The following HIKESHI variants were observed in gnomAD, a reference collection of about 807,000 sequenced individuals.
HIKESHI encodes heat shock protein nuclear import factor hikeshi, also known as protein Hikeshi.
A neutral mutation model predicts 25.7 loss-of-function variants in HIKESHI; 13 were observed. The observed-to-expected ratio is 0.51, with a 90% CI of 0.33 to 0.80. HIKESHI has a LOEUF of 0.80. Ranked by LOEUF, HIKESHI falls within the 30% of genes least tolerant of loss-of-function variation. The probability of loss-of-function intolerance (pLI) is 0.02; values close to 1 mark genes in which losing one functional copy is unlikely to be tolerated. For synonymous variants in HIKESHI, 76 were observed against 78.7 expected, an observed-to-expected ratio of 0.97 and a Z score of 0.18; for missense variants, 174 against 229.5, an observed-to-expected ratio of 0.76 and a Z score of 1.56.
intron 2 of HIKESHI, among the ~76,000 whole-genome samples, chr11:86,314,726 G>A (rs1457160621): frequency 6.6e-6 from 1 of 152,198 alleles, no homozygotes; most frequent in East Asian, 1.9e-4. Context: ...TTAAGGAGCA[G>A]ATTAAGTCCC....
intron 2 of HIKESHI, among the ~76,000 whole-genome samples, chr11:86,325,197 A>C (rs1947243667): frequency 6.6e-6 from 1 of 152,070 alleles, no homozygotes. Flanking sequence ...GGAAAAAAAA[A>C]AGAGAAAAAT....
At position 86,302,319 on chromosome 11, in the gene HIKESHI, A is replaced by G. The variant is rs291241; in HGVS notation, c.-130A>G. The G allele has an allele frequency of 0.14, 156,069 of 1,104,710 alleles. 12,080 individuals are homozygous for G. The highest frequency in any genetic ancestry group is 0.24 in the Admixed American group (11,737 of 49,542). The allele number at this position is 1,104,710 out of a possible 1,614,324, so 68.4% of individuals were successfully genotyped here. On this transcript the variant is annotated 5_prime_UTR_variant, in exon 1 of 5. Transcript: ENST00000278483. ...AGGCATTCTTGCCGCTGGCCCAGTC[A>G]CTATGTAGTGGAGGGGCAGACACCC...
chr11:86,340,170 T>C (rs1203655858), intron 3 of HIKESHI, among the ~76,000 whole-genome samples: 1 of 152,222 alleles, frequency 6.6e-6, no homozygotes, highest in East Asian at 1.9e-4. Context: ...TTTGGGTTGG[T>C]TCCAAGTTTT....
intron 2 of HIKESHI, among the ~76,000 whole-genome samples, chr11:86,311,941 T>C (rs1272294871): frequency 6.6e-6 from 1 of 152,078 alleles, no homozygotes; most frequent in Non-Finnish European, 1.5e-5. Context: ...GTTATAATTT[T>C]TTTTCTTTTA....
intron 1 of HIKESHI, among the ~76,000 whole-genome samples, chr11:86,304,708 G>A (rs1431881924): frequency 2.0e-5 from 3 of 152,110 alleles, no homozygotes; most frequent in Admixed American, 6.5e-5. Flanking sequence ...TAGATACTAC[G>A]TTTCGCCATG....
chr11:86,303,072 C>T (rs893030047), intron 1 of HIKESHI, among the ~76,000 whole-genome samples: 2 of 152,048 alleles, frequency 1.3e-5, no homozygotes, highest in Non-Finnish European at 2.9e-5. Flanking sequence ...GAGAAGGATG[C>T]GAGTAGTGTG....
intron 2 of HIKESHI, among the ~76,000 whole-genome samples, chr11:86,332,097 A>G (rs1437767887): frequency 6.7e-6 from 1 of 150,328 alleles, no homozygotes; most frequent in African/African-American, 2.5e-5. Flanking sequence ...AGTAGCTGGG[A>G]CTACAGGCGC....
intron 1 of HIKESHI, among the ~76,000 whole-genome samples, chr11:86,305,467 A>G (rs167087): frequency 0.62 from 94,196 of 150,726 alleles, 29,393 homozygotes; most frequent in East Asian, 0.79. Flanking sequence ...GCTCACCGCA[A>G]CCTCTACCTC....
intron 1 of HIKESHI, chr11:86,303,540 A>T (rs1411718441): frequency 4.2e-6 from 1 of 238,470 alleles, no homozygotes; most frequent in Non-Finnish European, 6.8e-6. Context: ...AGTGAGTGTT[A>T]TTAATGAATG....
intron 2 of HIKESHI, among the ~76,000 whole-genome samples, chr11:86,333,549 CA>C (rs1228109896): frequency 1.2e-5 from 1 of 80,992 alleles, no homozygotes; most frequent in Non-Finnish European, 2.3e-5. Flanking sequence ...ACAACAACAA[CA>C]AACAAACAAA....
intron 2 of HIKESHI, among the ~76,000 whole-genome samples, chr11:86,334,656 G>C (rs1947503279): frequency 6.6e-6 from 1 of 152,164 alleles, no homozygotes; most frequent in African/African-American, 2.4e-5. Context: ...AAACGGTAGA[G>C]TAAGGAGCTC....
chr11:86,345,728 C>T lies in HIKESHI; in HGVS notation c.*90C>T, dbSNP rs761045023. The T allele has an allele frequency of 3.9e-5, 26 of 664,736 alleles. No homozygotes were observed. Among genetic ancestry groups the T allele is most frequent in the Admixed American group, 6.2e-5 (2 of 32,180 alleles). The allele number at this position is 664,736 out of a possible 1,614,324, so 41.2% of individuals were successfully genotyped here. A position where few individuals can be genotyped will look rare whatever the true frequency, so the allele number is the denominator to read the frequency against. On this transcript the variant is annotated 3_prime_UTR_variant, in exon 5 of 5. Transcript: ENST00000278483. ...CTAAAAGTATGAGGTCAAAGGATCA[C>T]GAAACCTAAGTTTAAAAACTGCTTA...
intron 2 of HIKESHI, among the ~76,000 whole-genome samples, chr11:86,320,187 C>G (rs1221026802): frequency 6.6e-6 from 1 of 152,174 alleles, no homozygotes; most frequent in African/African-American, 2.4e-5. Flanking sequence ...ATGATGTATT[C>G]TAACTATTGA....
intron 2 of HIKESHI, among the ~76,000 whole-genome samples, chr11:86,311,828 G>A (rs291203): frequency 0.72 from 109,805 of 152,078 alleles, 40,197 homozygotes; most frequent in African/African-American, 0.84. Flanking sequence ...CCCAGTAGTC[G>A]TTCAGGAGCA....
At chr11:86,344,487 T>C in intron 3 of HIKESHI, 116 bp from the exon 4 acceptor site, 1 of 678,256 alleles carries the variant, frequency 1.5e-6, no homozygotes, top group Non-Finnish European at 2.4e-6. Flanking sequence ...CATTAGACTC[T>C]CTTAGAACTG....
chr11:86,314,258 G>T (rs2138322362), intron 2 of HIKESHI, among the ~76,000 whole-genome samples: 1 of 152,238 alleles, frequency 6.6e-6, no homozygotes. Context: ...GAATGAACTG[G>T]GACAGTTCTA....
At chr11:86,319,911 A>T in intron 2 of HIKESHI, among the ~76,000 whole-genome samples, 1 of 152,230 alleles carries the variant, frequency 6.6e-6, no homozygotes, top group East Asian at 1.9e-4. Flanking sequence ...TTAATTGAGT[A>T]GGGGTTCAAA....
chr11:86,309,033 C>T (rs575571938), intron 2 of HIKESHI, among the ~76,000 whole-genome samples: 19 of 152,134 alleles, frequency 1.2e-4, no homozygotes, highest in East Asian at 3.9e-4. Flanking sequence ...TAAACATACA[C>T]GTGCATGTGT....
At chr11:86,327,197 G>T (rs146366106) in intron 2 of HIKESHI, among the ~76,000 whole-genome samples, 1,564 of 152,204 alleles carry the variant, frequency 0.01, 21 homozygotes, top group African/African-American at 0.035. Flanking sequence ...GAATGAAAGG[G>T]TAGCATATAT....
Sources: allele counts gnomAD v4.1 joint callset (sites outside exome capture counted in the v4.1 genomes callset), GRCh38; gene constraint gnomAD v4.1.1; transcripts MANE v1.5; gene names NCBI Gene and HGNC (gene_info 2026-07-23, HGNC 2026-07-21).